Variants in NCOR2 observed in about 807,000 individuals in gnomAD.
NCOR2 encodes nuclear receptor corepressor 2, also known as CTG repeat protein 26.
Under a neutral mutation model 262.9 loss-of-function variants are expected in NCOR2, and 81 were observed. That is an observed-to-expected ratio of 0.31 (90% CI 0.26 to 0.37). The LOEUF is 0.37. Among genes scored for constraint, NCOR2 ranks in the 10% least tolerant of loss-of-function variants. The pLI is 1.00. For synonymous variants in NCOR2, 1,659 were observed against 1,559.3 expected, an observed-to-expected ratio of 1.06 and a Z score of -1.51; for missense variants, 3,385 against 3,621.4, an observed-to-expected ratio of 0.93 and a Z score of 1.68.
intron 4 of NCOR2, among the ~76,000 whole-genome samples, chr12:124,467,741 C>CCCATCATCCT (rs2046537484): frequency 7.5e-6 from 1 of 133,408 alleles, no homozygotes; most frequent in Non-Finnish European, 1.6e-5. Flanking sequence ...CCTCATCACC[C>CCCATCATCCT]CATCACCCTC....
chr12:124,359,127 C>T (rs978144267), intron 22 of NCOR2, among the ~76,000 whole-genome samples: 1 of 152,232 alleles, frequency 6.6e-6, no homozygotes, highest in Non-Finnish European at 1.5e-5. Flanking sequence ...TTCATGGCAT[C>T]TTCCTGCTGG....
At chr12:124,545,842 G>C (rs1566047313) in intron 1 of NCOR2, among the ~76,000 whole-genome samples, 1 of 152,154 alleles carries the variant, frequency 6.6e-6, no homozygotes, top group Non-Finnish European at 1.5e-5. Flanking sequence ...TTTCAGCCTG[G>C]GGACCCTCTC....
intron 4 of NCOR2, among the ~76,000 whole-genome samples, chr12:124,467,635 TTCACCCCATCATCCTTATCTTCA>T (rs1593679179): frequency 1.1e-5 from 1 of 91,910 alleles, no homozygotes; most frequent in African/African-American, 4.4e-5. Context: ...CTTCATCATC[TTCACCCCATCATCCTTATCTTCA>T]TCACCCCATC....
intron 1 of NCOR2, among the ~76,000 whole-genome samples, chr12:124,512,527 C>T (rs1217759663): frequency 6.6e-6 from 1 of 152,200 alleles, no homozygotes; most frequent in Non-Finnish European, 1.5e-5. Context: ...TTATCAAATA[C>T]GGTCTCTCTC....
chr12:124,369,536 C>T (rs562253898), intron 20 of NCOR2, among the ~76,000 whole-genome samples: 134 of 152,176 alleles, frequency 8.8e-4, no homozygotes, highest in African/African-American at 1.7e-3. Context: ...TGACGCATCT[C>T]GTCCGCGTCC....
rs766514734 is a variant in NCOR2, at chr12:124,335,611, C to T, written c.6137G>A (p.Ser2046Asn). Residue 2046 changes from serine to asparagine, a missense_variant, in exon 39 of 47, where the codon AGC becomes AAC. Ser to Asn is a conservative substitution (Grantham distance 46, BLOSUM62 1). Around this residue, in one of 5 missense-constraint regions of NCOR2, gnomAD observed 1,017 missense variants for 967.2 expected, o/e 1.05. Coordinates refer to ENST00000405201, the Ensembl canonical transcript of NCOR2. ...GCTGACGGGCTCCACCCCTTCGGGG[C>T]TGTAGCTGCTGCCGTGGTAACCTAG... is the stretch of plus-strand genomic sequence containing the variant. 19 of 1,604,086 alleles carry T rather than the reference C, an allele frequency of 1.2e-5. No individual in the cohort carries two copies. Among genetic ancestry groups the T allele is most frequent in the Non-Finnish European group, 1.4e-5 (17 of 1,178,348 alleles).
In NCOR2 at chr12:124,421,596, T is replaced by C. The variant is rs373528794; in HGVS notation, c.1383+905A>G. On this transcript the variant is annotated intron_variant, in intron 12 of 46. Coordinates refer to ENST00000405201, the Ensembl canonical transcript of NCOR2. ...GCTGTCCTTTAAAATAAGTGCCTCA[T>C]CCTCCTGGCCTCCCTCCTACAACCA... Among the ~76,000 whole-genome samples the C allele has an allele frequency of 2.4e-4, 36 of 152,310 alleles. No individual in the cohort carries two copies. The East Asian group carries it at 6.2e-3, about 26-fold the overall frequency.
At chr12:124,486,451 C>A in exon 2 of NCOR2, 1 of 1,612,680 alleles carries the variant, frequency 6.2e-7, no homozygotes, top group South Asian at 1.1e-5. Flanking sequence ...CGTTCATTCC[C>A]GGGCTGGAAC....
chr12:124,348,195 T>C (rs777864841), exon 29 of NCOR2: 42 of 1,611,888 alleles, frequency 2.6e-5, no homozygotes, highest in Non-Finnish European at 3.2e-5. Context: ...GCTGAGGAGA[T>C]GGCTCTGCCC....
intron 21 of NCOR2, among the ~76,000 whole-genome samples, chr12:124,363,368 T>C (rs2038769041): frequency 6.6e-6 from 1 of 152,226 alleles, no homozygotes; most frequent in Non-Finnish European, 1.5e-5. Flanking sequence ...GCTGTTGCTA[T>C]AGCTGAGTGG....
chr12:124,403,803 G>C (rs2042116086), intron 13 of NCOR2, among the ~76,000 whole-genome samples: 1 of 152,284 alleles, frequency 6.6e-6, no homozygotes, highest in South Asian at 2.1e-4. Flanking sequence ...TTAGGATGGG[G>C]CAGAAAAACA....
Position 124,424,814 on chromosome 12 carries a change from C to T in NCOR2, c.1328+1808G>A, listed in dbSNP as rs552220837. On this transcript the variant is annotated intron_variant, in intron 11 of 46. Coordinates refer to ENST00000405201, the Ensembl canonical transcript of NCOR2. ...GTCTTCCCCAAGGCAGCTCAGTAGC[C>T]TGCCGGGTGAACGTCGGGCAGTGAC... is the stretch of plus-strand genomic sequence containing the variant. 1.6e-4 allele frequency among the ~76,000 whole-genome samples: 25 copies of T among 152,308 alleles called. No individual in the cohort carries two copies. The South Asian group carries it at 5.2e-3, about 32-fold the overall frequency.
chr12:124,488,891 C>T (rs867364585), intron 1 of NCOR2, among the ~76,000 whole-genome samples: 26 of 152,018 alleles, frequency 1.7e-4, no homozygotes, highest in African/African-American at 5.8e-4. Context: ...GCTGGGGAGG[C>T]CTCTGCATGA....
intron 1 of NCOR2, among the ~76,000 whole-genome samples, chr12:124,562,479 G>C (rs1313017083): frequency 6.6e-6 from 1 of 152,228 alleles, no homozygotes; most frequent in Admixed American, 6.5e-5. Flanking sequence ...ACCAGGAGCA[G>C]AGGGGAAGCT....
At chr12:124,414,342 ACAGT>A (rs2042746388) in intron 13 of NCOR2, among the ~76,000 whole-genome samples, 1 of 152,158 alleles carries the variant, frequency 6.6e-6, no homozygotes, top group Admixed American at 6.5e-5. Flanking sequence ...TGAAATCATC[ACAGT>A]GTGTGGCGAT....
At chr12:124,563,646 A>G (rs1400207102) in intron 1 of NCOR2, among the ~76,000 whole-genome samples, 1 of 152,228 alleles carries the variant, frequency 6.6e-6, no homozygotes, top group Non-Finnish European at 1.5e-5. Context: ...ATTCAAAACC[A>G]TGTTTTCATT....
Position 124,340,458 on chromosome 12 carries a change from G to T in NCOR2, c.5339-15C>A. The T allele has an allele frequency of 6.2e-7, 1 of 1,609,478 alleles. No individual in the cohort carries two copies. Among genetic ancestry groups the T allele is most frequent in the Non-Finnish European group, 8.5e-7 (1 of 1,178,362 alleles). On this transcript the variant is annotated splice_polypyrimidine_tract_variant and intron_variant, in intron 35 of 46. Coordinates refer to ENST00000405201, the Ensembl canonical transcript of NCOR2. ...TGTTGGACCTCCTAGGAAACCCAAAGGCCAGAGACTCAGCCCCAGGGCCGA... is the reference window on the plus strand; with the variant it reads ...TGTTGGACCTCCTAGGAAACCCAAATGCCAGAGACTCAGCCCCAGGGCCGA...
At chr12:124,427,772 G>A (rs115539566) in intron 10 of NCOR2, among the ~76,000 whole-genome samples, 1,734 of 152,212 alleles carry the variant, frequency 0.011, 30 homozygotes, top group African/African-American at 0.039. Context: ...CCCCCGGCAC[G>A]GCCACAGGCA....
chr12:124,433,931 GT>G (rs1428752482), intron 8 of NCOR2, among the ~76,000 whole-genome samples: 1 of 126,900 alleles, frequency 7.9e-6, no homozygotes, highest in Non-Finnish European at 1.7e-5. Context: ...GACTGGAGCC[GT>G]CCCCCTCCCG....
Sources: gnomAD v4.1 joint callset for allele counts (sites outside exome capture counted in the v4.1 genomes callset) on GRCh38, gnomAD v4.1.1 for gene constraint, gnomAD v4.1.1 regional missense constraint, MANE v1.5 for transcripts, NCBI Gene and HGNC (gene_info 2026-07-23, HGNC 2026-07-21) for gene names.